NECAB3: variants seen among roughly 807,000 people sequenced by gnomAD.
NECAB3 encodes N-terminal EF-hand calcium binding protein 3.
In NECAB3, 38 loss-of-function variants were observed where a neutral mutation model predicts 57.2. The observed-to-expected ratio is 0.66, with a 90% CI of 0.51 to 0.87. The LOEUF (loss-of-function observed/expected upper bound fraction) is 0.87. Ranked by LOEUF, NECAB3 falls within the 40% of genes least tolerant of loss-of-function variation. The pLI, the probability that NECAB3 is intolerant of heterozygous loss-of-function variation, is 0.00. For synonymous variants in NECAB3, 223 were observed against 222.6 expected (o/e 1.00, Z -0.02); for missense variants, 474 against 527.5 (o/e 0.90, Z 0.99).
At chr20:33,663,081 C>A (rs980862977) in intron 5 of NECAB3, among the ~76,000 whole-genome samples, 3 of 152,182 alleles carry the variant, frequency 2.0e-5, no homozygotes, top group African/African-American at 7.2e-5. Context: ...CACGGAGAAT[C>A]AGTTCTAGTT....
chr20:33,667,408 C>A, intron 5 of NECAB3: 1 of 1,403,912 alleles, frequency 7.1e-7, no homozygotes, highest in Non-Finnish European at 9.2e-7. Flanking sequence ...GTGGCCCGTG[C>A]TGGTGAGCGA....
intron 8 of NECAB3, 88 bp from the exon 9 acceptor site, chr20:33,658,922 TTC>T: frequency 4.4e-6 from 4 of 907,954 alleles, no homozygotes; most frequent in African/African-American, 3.3e-5. Context: ...TCAGCTGTTT[TTC>T]TGTTTGTTTG....
In NECAB3 at chr20:33,660,039, G is replaced by C. The variant is rs771720659; in HGVS notation, c.525-36C>G. 1 of 1,562,232 alleles carries C rather than the reference G, an allele frequency of 6.4e-7. No homozygotes were observed. The highest frequency in any genetic ancestry group is 1.3e-5 in the African/African-American group (1 of 74,366). On this transcript the variant is annotated intron_variant, in intron 6 of 11. Transcript: ENST00000246190. This position sits in a 1 kb window ranked among gnomAD's most constrained non-coding sequence, Gnocchi z 4.1. ...TGAGGCTCACAGGGCCGAGGACTGG[G>C]GCCCCAGGACGGGATAAGCCTGGGT...
rs1014233239 is a variant in NECAB3, at chr20:33,660,647, G to C, written c.388-252C>G. Among the ~76,000 whole-genome samples the C allele has an allele frequency of 1.3e-5, 2 of 152,140 alleles. No individual in the cohort carries two copies. Among genetic ancestry groups the C allele is most frequent in the African/African-American group, 4.8e-5 (2 of 41,436 alleles). On this transcript the variant is annotated intron_variant, in intron 5 of 11. Transcript: ENST00000246190. This position sits in a 1 kb window ranked among gnomAD's most constrained non-coding sequence, Gnocchi z 4.1. ...GGGCATCTGCCCAGCGAAGTGCCTG[G>C]CCTCTCTGGACCTCATGGCCCCTTC...
Position 33,674,250 on chromosome 20 carries a change from G to A in NECAB3, c.103C>T (p.Pro35Ser), listed in dbSNP as rs754829697. The change falls in exon 1 of 12, where the codon CCC (proline) becomes TCC (serine). Residue 35 changes from proline (P) to serine (S), a missense_variant. By Grantham distance (74) the Pro-to-Ser change is moderately conservative. Transcript: ENST00000246190. Reference sequence around the variant, plus strand: ...TCCTGGAAGAGCGTGTGTCCGGCGGGCCCCGGGTCGGGCGCGAGCTGGGGG... The same window carrying A: ...TCCTGGAAGAGCGTGTGTCCGGCGGACCCCGGGTCGGGCGCGAGCTGGGGG... ...RHPQLAPDPG[P>S]AGHTLFQDVF... The A allele has an allele frequency of 8.1e-7, 1 of 1,236,840 alleles. No individual in the cohort carries two copies. The highest frequency in any genetic ancestry group is 3.1e-5 in the East Asian group (1 of 31,760). The allele number at this position is 1,236,840 out of a possible 1,614,324, so 76.6% of individuals were successfully genotyped here.
At position 33,657,097 on chromosome 20, in the gene NECAB3, C is replaced by T. The variant is rs977014830; in HGVS notation, c.*732G>A. The T allele has an allele frequency of 5.2e-5, 8 of 152,524 alleles. No individual in the cohort carries two copies. Among genetic ancestry groups the T allele is most frequent in the Admixed American group, 4.6e-4 (7 of 15,286 alleles). The allele number at this position is 152,524 out of a possible 1,614,324, so 9.4% of individuals were successfully genotyped here. ...GACAGGAGGCAACACTGGAAGGGAC[C>T]ACTGCCTTTATTGCCTCTGTGCTGG... On this transcript the variant is annotated 3_prime_UTR_variant, in exon 12 of 12. Coordinates refer to ENST00000246190, the MANE Select transcript of NECAB3 (RefSeq NM_031232.4).
chr20:33,658,055 T>G, intron 10 of NECAB3, 22 bp from the exon 11 acceptor site: 1 of 1,547,032 alleles, frequency 6.5e-7, no homozygotes, highest in Non-Finnish European at 8.7e-7. Flanking sequence ...CAGGCTACAG[T>G]GACCTCGCTC....
At chr20:33,669,855 T>C in intron 3 of NECAB3, 143 bp from the exon 4 acceptor site, 1 of 865,072 alleles carries the variant, frequency 1.2e-6, no homozygotes, top group Non-Finnish European at 1.8e-6. Flanking sequence ...AAGTTGCTCC[T>C]GTGGACAGAG....
chr20:33,657,490 G>A lies in NECAB3; in HGVS notation c.*339C>T, dbSNP rs553699165. ...GAAGAAAGCAGGACCCTCGCTAGGC[G>A]GCCAGATGGCCTGAGGCCCACCCAG... On this transcript the variant is annotated 3_prime_UTR_variant, in exon 12 of 12. Coordinates refer to ENST00000246190, the MANE Select transcript of NECAB3 (RefSeq NM_031232.4). 1.3e-4 allele frequency: 44 copies of A among 338,018 alleles called. No individual in the cohort carries two copies. The highest frequency in any genetic ancestry group is 7.6e-4 in the Middle Eastern group (1 of 1,316). The allele number at this position is 338,018 out of a possible 1,614,324, so 20.9% of individuals were successfully genotyped here.
chr20:33,673,951 G>A (rs1053736211), intron 1 of NECAB3, among the ~76,000 whole-genome samples: 4 of 152,006 alleles, frequency 2.6e-5, no homozygotes, highest in Non-Finnish European at 2.9e-5. Flanking sequence ...CCGCTGCTGT[G>A]ATTGTCGCCA....
At chr20:33,669,626 G>A in intron 4 of NECAB3, 61 bp downstream of exon 4, 1 of 1,554,042 alleles carries the variant, frequency 6.4e-7, no homozygotes, top group Non-Finnish European at 8.7e-7. Flanking sequence ...ACAGTCCCTT[G>A]CCACACGTAC....
intron 5 of NECAB3, chr20:33,667,635 C>T (rs147746551): frequency 1.2e-5 from 19 of 1,605,762 alleles, no homozygotes; most frequent in Admixed American, 8.4e-5. Flanking sequence ...TCCGACTGAA[C>T]GTGGCAGGCA....
chr20:33,662,532 CAA>C (rs1293125268), intron 5 of NECAB3: 2 of 1,525,718 alleles, frequency 1.3e-6, no homozygotes, highest in East Asian at 4.9e-5. Flanking sequence ...GAAAGCTGGA[CAA>C]GTGGGTGGGA....
chr20:33,660,111 G>A lies in NECAB3; in HGVS notation c.525-108C>T, dbSNP rs1043599223. 17 of 1,525,264 alleles carry A rather than the reference G, an allele frequency of 1.1e-5. No homozygotes were observed. The highest frequency in any genetic ancestry group is 1.5e-5 in the Non-Finnish European group (17 of 1,138,756). 94.5% of individuals were successfully genotyped at this position (1,525,264 alleles called of 1,614,324 possible). On this transcript the variant is annotated intron_variant, in intron 6 of 11. Coordinates refer to ENST00000246190, the MANE Select transcript of NECAB3 (RefSeq NM_031232.4). The surrounding 1 kb of genome is among the most constrained non-coding windows in gnomAD (Gnocchi z 4.1). ...ACTCCGAGGCCTAGCCCCAAAGCCAGTCTCATTTCACCCCGCCATGGCTAC... is the reference window on the plus strand; with the variant it reads ...ACTCCGAGGCCTAGCCCCAAAGCCAATCTCATTTCACCCCGCCATGGCTAC...
Position 33,658,463 on chromosome 20 carries a change from AC to A in NECAB3, c.1070+13del. ...CACATTCCATGGTGTTAGCGGCCAGACTGGCACTCATACCTTCTCCAGGAGG... is the reference window on the plus strand; with the variant it reads ...CACATTCCATGGTGTTAGCGGCCAGATGGCACTCATACCTTCTCCAGGAGG... On this transcript the variant is annotated intron_variant, in intron 10 of 11. Coordinates refer to ENST00000246190, the MANE Select transcript of NECAB3 (RefSeq NM_031232.4). The A allele has an allele frequency of 6.2e-7, 1 of 1,613,062 alleles. No homozygotes were observed. Among genetic ancestry groups the A allele is most frequent in the Non-Finnish European group, 8.5e-7 (1 of 1,179,126 alleles).
chr20:33,662,082 C>T, intron 5 of NECAB3: 1 of 362,766 alleles, frequency 2.8e-6, no homozygotes, highest in Non-Finnish European at 5.0e-6. Context: ...AAAATTCATA[C>T]CCAAACCACA....
chr20:33,663,427 C>T (rs1189877260), intron 5 of NECAB3: 18 of 1,246,600 alleles, frequency 1.4e-5, no homozygotes, highest in Non-Finnish European at 1.8e-5. Context: ...GGGTGGACGA[C>T]AGGACCCGGG....
chr20:33,667,539 G>C, intron 5 of NECAB3: 1 of 1,544,528 alleles, frequency 6.5e-7, no homozygotes, highest in Non-Finnish European at 8.7e-7. Context: ...CCACCGGCGC[G>C]TTCAGCGGGC....
Position 33,669,442 on chromosome 20 carries a change from C to A in NECAB3, c.320G>T (p.Arg107Leu). 1 of 1,613,764 alleles carries A rather than the reference C, an allele frequency of 6.2e-7. No individual in the cohort carries two copies. Among genetic ancestry groups the A allele is most frequent in the Non-Finnish European group, 8.5e-7 (1 of 1,180,030 alleles). The change falls in exon 5 of 12, where the codon CGG becomes CTG. Residue 107 changes from arginine (R) to leucine (L), a missense_variant. Coordinates refer to ENST00000246190, the MANE Select transcript of NECAB3 (RefSeq NM_031232.4). Reference protein sequence around the residue: ...DYFSEHLGVYRPVLAALESLN... With the variant: ...DYFSEHLGVYLPVLAALESLN... Reference sequence around the variant, plus strand: ...CGATTCCAATGCAGCCAGCACCGGCCGGTAGACACCCAGGTGCTCTGAGAA... The same window carrying A: ...CGATTCCAATGCAGCCAGCACCGGCAGGTAGACACCCAGGTGCTCTGAGAA...
Sources: allele counts gnomAD v4.1 joint callset (sites outside exome capture counted in the v4.1 genomes callset), GRCh38; gene constraint gnomAD v4.1.1; non-coding constraint Gnocchi (gnomAD v3.1); transcripts MANE v1.5; gene names NCBI Gene and HGNC (gene_info 2026-07-23, HGNC 2026-07-21).